The following HIF3A variants were observed in gnomAD, a reference collection of about 807,000 sequenced individuals.
The protein encoded by HIF3A is hypoxia inducible factor 3 subunit alpha, also known as hypoxia-inducible factor 3-alpha.
A neutral mutation model predicts 67.2 loss-of-function variants in HIF3A; 41 were observed. The ratio of observed to expected loss-of-function variants is 0.61; its 90% CI spans 0.48 to 0.79. The LOEUF (loss-of-function observed/expected upper bound fraction) is 0.79, where lower values mean the gene tolerates loss of function less well. HIF3A is among the 30% of genes least tolerant of loss of function. The probability of loss-of-function intolerance (pLI) is 0.00; values close to 1 mark genes in which losing one functional copy is unlikely to be tolerated. For synonymous variants in HIF3A, 356 were observed against 374.8 expected (o/e 0.95, Z 0.58); for missense variants, 855 against 898.0 (o/e 0.95, Z 0.61).
At chr19:46,307,827 G>A (rs753481018) in intron 3 of HIF3A, among the ~76,000 whole-genome samples, 5 of 152,112 alleles carry the variant, frequency 3.3e-5, no homozygotes, top group Non-Finnish European at 7.4e-5. Context: ...AGGCTGAGGT[G>A]GGAGGATCAG....
rs980600810 is a variant in HIF3A, at chr19:46,297,180, G to T, written c.26+78G>T. 1.4e-6 allele frequency: 1 copy of T among 725,650 alleles called. No homozygotes were observed. The highest frequency in any genetic ancestry group is 3.4e-5 in the East Asian group (1 of 29,700). 45.0% of individuals were successfully genotyped at this position (725,650 alleles called of 1,614,324 possible). A position where few individuals can be genotyped will look rare whatever the true frequency, so the allele number is the denominator to read the frequency against. The stretch of plus-strand genomic sequence containing the variant: ...AGACCCCTGAGCTGGATTGTTGGGG[G>T]GGGTGGGGTTCGCGGGTGCGAGCCA... On this transcript the variant is annotated intron_variant, in intron 1 of 14. Coordinates refer to ENST00000377670, the MANE Select transcript of HIF3A (RefSeq NM_152795.4). This position sits in a 1 kb window ranked among gnomAD's most constrained non-coding sequence, Gnocchi z 4.5.
chr19:46,318,282 G>A (rs11668718), intron 8 of HIF3A, among the ~76,000 whole-genome samples: 17,505 of 151,324 alleles, frequency 0.12, 1,338 homozygotes, highest in East Asian at 0.33. Context: ...AAAGGTAAAC[G>A]GAATGCTGGG....
intron 8 of HIF3A, 162 bp from the exon 9 acceptor site, chr19:46,320,281 T>G: frequency 3.1e-6 from 2 of 635,004 alleles, no homozygotes; most frequent in Non-Finnish European, 5.6e-6. Flanking sequence ...AATGAAACCC[T>G]TATAGGAGAC....
At chr19:46,315,073 T>TTTTTGTTTTG (rs56343564) in intron 8 of HIF3A, among the ~76,000 whole-genome samples, 117,171 of 142,088 alleles carry the variant, frequency 0.82, 50,523 homozygotes, top group Non-Finnish European at 0.89. Flanking sequence ...TTTCTTGGTT[T>TTTTTGTTTTG]TTTTGTTTTG....
At chr19:46,304,239 G>A (rs1346332411) in intron 2 of HIF3A, 151 bp downstream of exon 2, 4 of 655,170 alleles carry the variant, frequency 6.1e-6, no homozygotes, top group Non-Finnish European at 1.0e-5. Flanking sequence ...CACCCCCCTG[G>A]AATCGACTTC....
Position 46,297,201 on chromosome 19 carries a change from A to G in HIF3A, c.26+99A>G, listed in dbSNP as rs1193321578. 4 of 696,176 alleles carry G rather than the reference A, an allele frequency of 5.7e-6. No homozygotes were observed. The highest frequency in any genetic ancestry group is 8.4e-6 in the Non-Finnish European group (4 of 478,020). The allele number at this position is 696,176 out of a possible 1,614,324, so 43.1% of individuals were successfully genotyped here. On this transcript the variant is annotated intron_variant, in intron 1 of 14. Coordinates refer to ENST00000377670, the MANE Select transcript of HIF3A (RefSeq NM_152795.4). This position sits in a 1 kb window ranked among gnomAD's most constrained non-coding sequence, Gnocchi z 4.5. Reference sequence around the variant, plus strand: ...GGGGGGGGTGGGGTTCGCGGGTGCGAGCCAAGAACGCCCCGGGGCGCGCAG... The same window carrying G: ...GGGGGGGGTGGGGTTCGCGGGTGCGGGCCAAGAACGCCCCGGGGCGCGCAG...
intron 6 of HIF3A, chr19:46,310,473 TC>T: frequency 2.9e-6 from 1 of 340,920 alleles, no homozygotes; most frequent in South Asian, 2.2e-5. Context: ...TCTTTTTCTC[TC>T]CCCCTCTCTT....
At position 46,314,409 on chromosome 19, in the gene HIF3A, A is replaced by G. The variant is rs1969752434; in HGVS notation, c.1025+1756A>G. On this transcript the variant is annotated intron_variant, in intron 8 of 14. Coordinates refer to ENST00000377670, the MANE Select transcript of HIF3A (RefSeq NM_152795.4). ...AAAAAAAAAACAAACACAAAAATATATATGGTTTTCATGCAGTAAATTCTG... is the reference window on the plus strand; with the variant it reads ...AAAAAAAAAACAAACACAAAAATATGTATGGTTTTCATGCAGTAAATTCTG... Among the ~76,000 whole-genome samples the G allele has an allele frequency of 1.4e-5, 2 of 146,352 alleles. 1 individual carries two copies. Among genetic ancestry groups the G allele is most frequent in the Non-Finnish European group, 3.0e-5 (2 of 66,784 alleles).
At chr19:46,329,136 G>A in intron 11 of HIF3A, 71 bp from the exon 12 acceptor site, 1 of 1,422,736 alleles carries the variant, frequency 7.0e-7, no homozygotes, top group Non-Finnish European at 9.5e-7. Flanking sequence ...AGAAGTGATG[G>A]TGCTGGGACT....
In HIF3A at chr19:46,331,269, G is replaced by A; in HGVS notation, c.1826G>A (p.Ser609Asn). 1 of 1,612,592 alleles carries A rather than the reference G, an allele frequency of 6.2e-7. No homozygotes were observed. Among genetic ancestry groups the A allele is most frequent in the Non-Finnish European group, 8.5e-7 (1 of 1,178,766 alleles). ...EHENFLLFPL[S>N]LSFLLTGGPA... Reference sequence around the variant, plus strand: ...GAAAACTTTCTGCTCTTTCCTCTCAGCCTGGTGTGTTGGGGGATTAATGGG... The same window carrying A: ...GAAAACTTTCTGCTCTTTCCTCTCAACCTGGTGTGTTGGGGGATTAATGGG... The change falls in exon 13 of 15, where the codon AGC becomes AAC. Residue 609 changes from serine to asparagine, a missense_variant. This residue lies in a region of HIF3A where 199 missense variants were observed against 193.8 expected (regional missense o/e 1.03). Coordinates refer to ENST00000377670, the MANE Select transcript of HIF3A (RefSeq NM_152795.4).
Position 46,309,001 on chromosome 19 carries a change from G to T in HIF3A, c.562-150G>T, listed in dbSNP as rs1601234603. 7.9e-5 allele frequency: 57 copies of T among 725,676 alleles called. No homozygotes were observed. The South Asian group carries it at 9.8e-4, about 12-fold the overall frequency. The allele number at this position is 725,676 out of a possible 1,614,324, so 45.0% of individuals were successfully genotyped here. ...TTAGGATGGGTTCCTATGGGCCTGG[G>T]GCTGGGGATCCTCAGTCCCTTTGAA... On this transcript the variant is annotated intron_variant, in intron 5 of 14. Transcript: ENST00000377670.
At chr19:46,320,619 C>A in intron 9 of HIF3A, 58 bp downstream of exon 9, 1 of 1,335,188 alleles carries the variant, frequency 7.5e-7, no homozygotes, top group Non-Finnish European at 1.1e-6. Context: ...TGGGAGAAAG[C>A]CCAAGCACCT....
chr19:46,313,045 T>C (rs1601258763), intron 8 of HIF3A: 2 of 920,120 alleles, frequency 2.2e-6, no homozygotes, highest in Non-Finnish European at 2.6e-6. Context: ...AGCTCAGGAG[T>C]TCGAAACCAG....
Position 46,303,567 on chromosome 19 carries a change from C to T in HIF3A, c.27-331C>T, listed in dbSNP as rs1434616294. 4 of 1,511,508 alleles carry T rather than the reference C, an allele frequency of 2.6e-6. No individual in the cohort carries two copies. The African/African-American group carries it at 5.6e-5, about 21-fold the overall frequency. 93.6% of individuals were successfully genotyped at this position (1,511,508 alleles called of 1,614,324 possible). On this transcript the variant is annotated intron_variant, in intron 1 of 14. Coordinates refer to ENST00000377670, the MANE Select transcript of HIF3A (RefSeq NM_152795.4). Reference sequence around the variant, plus strand: ...CTCCCAGCAGGGGCCCTCCCTGTCCCCCAGGCGTCCCTAGCCTGGGAAATA... The same window carrying T: ...CTCCCAGCAGGGGCCCTCCCTGTCCTCCAGGCGTCCCTAGCCTGGGAAATA...
intron 3 of HIF3A, among the ~76,000 whole-genome samples, chr19:46,307,482 T>C (rs1032610925): frequency 6.6e-6 from 1 of 151,964 alleles, no homozygotes; most frequent in Non-Finnish European, 1.5e-5. Flanking sequence ...ATGCGGTGGC[T>C]CACACCTATA....
At chr19:46,302,586 G>C (rs1968437019) in intron 1 of HIF3A, among the ~76,000 whole-genome samples, 1 of 152,144 alleles carries the variant, frequency 6.6e-6, no homozygotes, top group African/African-American at 2.4e-5. Flanking sequence ...AATTTTGTAT[G>C]AAAGAGGCCA....
At chr19:46,303,471 G>T (rs1045075652) in intron 1 of HIF3A, 3 of 635,332 alleles carry the variant, frequency 4.7e-6, no homozygotes, top group Non-Finnish European at 8.3e-6. Flanking sequence ...AGGGCAGGGG[G>T]CCTGGGAGGC....
At chr19:46,303,376 G>T (rs1016377091) in intron 1 of HIF3A, among the ~76,000 whole-genome samples, 1 of 152,162 alleles carries the variant, frequency 6.6e-6, no homozygotes, top group South Asian at 2.1e-4. Flanking sequence ...GTGGTTCATC[G>T]TTAGACTTTG....
intron 6 of HIF3A, among the ~76,000 whole-genome samples, chr19:46,310,160 G>T (rs993317406): frequency 6.6e-6 from 1 of 152,200 alleles, no homozygotes; most frequent in Non-Finnish European, 1.5e-5. Flanking sequence ...GGGAGGCGGA[G>T]GTTGCAGTGA....
Sources: gnomAD v4.1 joint callset for allele counts (sites outside exome capture counted in the v4.1 genomes callset) on GRCh38, gnomAD v4.1.1 for gene constraint, gnomAD v4.1.1 regional missense constraint, Gnocchi (gnomAD v3.1) non-coding constraint, MANE v1.5 for transcripts, NCBI Gene and HGNC (gene_info 2026-07-23, HGNC 2026-07-21) for gene names.